The following NEGR1 variants were observed in gnomAD, a reference collection of about 807,000 sequenced individuals.
NEGR1 encodes the protein IgLON family member 4.
Under a neutral mutation model 40.9 loss-of-function variants are expected in NEGR1, and 10 were observed. The observed-to-expected ratio is 0.24, with a 90% CI of 0.15 to 0.42. The LOEUF (loss-of-function observed/expected upper bound fraction) is 0.42, where lower values mean the gene tolerates loss of function less well. NEGR1 is among the 10% of genes least tolerant of loss of function. NEGR1 has a pLI of 1.00. For synonymous variants in NEGR1, 185 were observed against 166.8 expected (o/e 1.11, Z -0.84); for missense variants, 352 against 438.9 (o/e 0.80, Z 1.77).
At chr1:71,462,620 A>C (rs951365793) in intron 6 of NEGR1, among the ~76,000 whole-genome samples, 2 of 152,256 alleles carry the variant, frequency 1.3e-5, no homozygotes, top group East Asian at 3.9e-4. Context: ...CTGGGAGAGC[A>C]GTTAGAGGAG....
intron 1 of NEGR1, among the ~76,000 whole-genome samples, chr1:72,155,985 C>T (rs964397284): frequency 6.6e-6 from 1 of 152,114 alleles, no homozygotes; most frequent in African/African-American, 2.4e-5. Context: ...TGCAACAATA[C>T]TGGAAAGTAG....
chr1:72,094,147 A>T (rs1648607354), intron 1 of NEGR1, among the ~76,000 whole-genome samples: 1 of 152,160 alleles, frequency 6.6e-6, no homozygotes, highest in South Asian at 2.1e-4. Context: ...TGCTTTCCTG[A>T]TGCTCAAGTG....
chr1:71,787,030 G>A lies in NEGR1; in HGVS notation c.410-10733C>T, dbSNP rs577902382. Among the ~76,000 whole-genome samples the A allele has an allele frequency of 6.6e-5, 10 of 152,322 alleles. No individual in the cohort carries two copies. In the South Asian group the frequency reaches 1.9e-3, roughly 28 times the overall value. On this transcript the variant is annotated intron_variant, in intron 2 of 6. Transcript: ENST00000357731. ...TGGAGAGACTGTGATAACAGAAAGA[G>A]AGAGAGAGAAAGCTTGGGAAGCACT...
intron 3 of NEGR1, among the ~76,000 whole-genome samples, chr1:71,705,954 C>A (rs2101637374): frequency 6.6e-6 from 1 of 150,846 alleles, no homozygotes; most frequent in East Asian, 2.0e-4. Flanking sequence ...CATTCCCCAA[C>A]AAGGACATCA....
In NEGR1 at chr1:71,801,185, A is replaced by G. The variant is rs542275442; in HGVS notation, c.410-24888T>C. ...GGACATCACACTCTCCTGGTTTTCT[A>G]CTAACCTTTACTGGCCTCTCTTTGC... is the stretch of plus-strand genomic sequence containing the variant. On this transcript the variant is annotated intron_variant, in intron 2 of 6. Coordinates refer to ENST00000357731, the MANE Select transcript of NEGR1 (RefSeq NM_173808.3). Among the ~76,000 whole-genome samples the G allele has an allele frequency of 3.9e-5, 6 of 152,240 alleles. No homozygotes were observed. In the East Asian group the frequency reaches 9.7e-4, roughly 25 times the overall value.
At chr1:71,996,868 A>T (rs1010866737) in intron 1 of NEGR1, among the ~76,000 whole-genome samples, 3 of 151,986 alleles carry the variant, frequency 2.0e-5, no homozygotes, top group African/African-American at 7.2e-5. Context: ...CTCTCAATTG[A>T]CCTTTTCCCA....
At chr1:71,611,819 G>A (rs543609427) in intron 4 of NEGR1, among the ~76,000 whole-genome samples, 1 of 152,222 alleles carries the variant, frequency 6.6e-6, no homozygotes, top group African/African-American at 2.4e-5. Context: ...ATCCATATTA[G>A]GCATCAGTGT....
intron 1 of NEGR1, among the ~76,000 whole-genome samples, chr1:71,960,736 C>T (rs557223685): frequency 6.6e-6 from 1 of 152,184 alleles, no homozygotes; most frequent in South Asian, 2.1e-4. Context: ...GTCATTAAGG[C>T]CTGCTTTCCT....
intron 6 of NEGR1, among the ~76,000 whole-genome samples, chr1:71,559,550 A>C (rs1162141640): frequency 1.3e-5 from 2 of 151,634 alleles, no homozygotes; most frequent in Non-Finnish European, 3.0e-5. Flanking sequence ...GATTTTGACA[A>C]ATGCACATAG....
At chr1:71,660,291 C>A (rs1652013521) in intron 4 of NEGR1, among the ~76,000 whole-genome samples, 3 of 151,894 alleles carry the variant, frequency 2.0e-5, no homozygotes, top group Non-Finnish European at 2.9e-5. Flanking sequence ...CTTATGAACA[C>A]AAAGAAGGAA....
At chr1:72,070,983 C>A (rs1288676329) in intron 1 of NEGR1, among the ~76,000 whole-genome samples, 1 of 152,008 alleles carries the variant, frequency 6.6e-6, no homozygotes, top group Non-Finnish European at 1.5e-5. Flanking sequence ...AAAGCCCAAT[C>A]TCTGTTTGCA....
rs142018077 is a variant in NEGR1 at position 71,398,948 on chromosome 1, A to G, written c.*8498T>C. ...GCTCTTTTCTCTTGTCTGCTGCCATATGAGACGTGCCTTTCACCTTCCACT... is the reference window on the plus strand; with the variant it reads ...GCTCTTTTCTCTTGTCTGCTGCCATGTGAGACGTGCCTTTCACCTTCCACT... On this transcript the variant is annotated 3_prime_UTR_variant, in exon 7 of 7. Transcript: ENST00000357731. 968 of 152,448 alleles carry G rather than the reference A, an allele frequency of 6.3e-3. 6 individuals carry two copies. Among genetic ancestry groups the G allele is most frequent in the South Asian group, 0.02 (96 of 4,820 alleles). 9.4% of individuals were successfully genotyped at this position (152,448 alleles called of 1,614,324 possible).
intron 1 of NEGR1, among the ~76,000 whole-genome samples, chr1:72,277,308 A>C (rs1656088796): frequency 1.3e-5 from 2 of 152,280 alleles, no homozygotes; most frequent in Admixed American, 1.3e-4. Flanking sequence ...ACTGACACAG[A>C]CCATGATGTG....
intron 3 of NEGR1, among the ~76,000 whole-genome samples, chr1:71,723,166 T>C (rs949097157): frequency 2.0e-5 from 3 of 152,158 alleles, no homozygotes; most frequent in Admixed American, 6.6e-5. Context: ...TGATTGCTGT[T>C]GTTTTAATCT....
chr1:71,631,832 T>C (rs1650979799), intron 4 of NEGR1, among the ~76,000 whole-genome samples: 1 of 151,760 alleles, frequency 6.6e-6, no homozygotes, highest in Non-Finnish European at 1.5e-5. Context: ...CATACAAGAA[T>C]TAACAAGAAA....
chr1:71,862,257 G>T (rs1054442324), intron 2 of NEGR1, among the ~76,000 whole-genome samples: 9 of 151,950 alleles, frequency 5.9e-5, no homozygotes, highest in Admixed American at 1.3e-4. Flanking sequence ...ACTAAAAAGG[G>T]TCAAAAAAGG....
intron 2 of NEGR1, among the ~76,000 whole-genome samples, chr1:71,805,281 T>C (rs1657719630): frequency 6.6e-6 from 1 of 152,182 alleles, no homozygotes; most frequent in South Asian, 2.1e-4. Flanking sequence ...GATATCTTAT[T>C]ACCTTGTGAA....
chr1:71,750,702 A>G (rs999542445), intron 3 of NEGR1, among the ~76,000 whole-genome samples: 1 of 152,074 alleles, frequency 6.6e-6, no homozygotes, highest in African/African-American at 2.4e-5. Flanking sequence ...ACATGTGGGA[A>G]TGGTAGGAGG....
At position 72,276,764 on chromosome 1, in the gene NEGR1, A is replaced by G. The variant is rs1340141667; in HGVS notation, c.176+5555T>C. Among the ~76,000 whole-genome samples, 6 of 152,156 alleles carry G rather than the reference A, an allele frequency of 3.9e-5. 1 individual carries two copies. The highest frequency in any genetic ancestry group is 3.9e-4 in the Admixed American group (6 of 15,278). The stretch of plus-strand genomic sequence containing the variant: ...ACTCAATCAAATATAATTAAATCAC[A>G]AAAACTACCACTTTTCACTATGCAT... On this transcript the variant is annotated intron_variant, in intron 1 of 6. Transcript: ENST00000357731.
Sources: gnomAD v4.1 joint callset for allele counts (sites outside exome capture counted in the v4.1 genomes callset) on GRCh38, gnomAD v4.1.1 for gene constraint, MANE v1.5 for transcripts, NCBI Gene and HGNC (gene_info 2026-07-23, HGNC 2026-07-21) for gene names.